RCC2: variants seen among roughly 807,000 people sequenced by gnomAD.
The protein encoded by RCC2 is protein RCC2.
In RCC2, 19 loss-of-function variants were observed where a neutral mutation model predicts 64.1. The observed-to-expected ratio is 0.30, with a 90% CI of 0.21 to 0.44. The LOEUF is 0.44. RCC2 is among the 20% of genes least tolerant of loss of function. RCC2 has a pLI of 1.00. For synonymous variants in RCC2, 325 were observed against 279.6 expected, an observed-to-expected ratio of 1.16 and a Z score of -1.62; for missense variants, 508 against 710.4, an observed-to-expected ratio of 0.72 and a Z score of 3.24.
rs1452935212 is a variant in RCC2, at chr1:17,416,477, C to T, written c.1026+3G>A. The T allele has an allele frequency of 1.2e-6, 2 of 1,605,148 alleles. No individual in the cohort carries two copies. The highest frequency in any genetic ancestry group is 2.2e-5 in the East Asian group (1 of 44,710). On this transcript the variant is annotated splice_donor_region_variant and intron_variant, in intron 8 of 12. Transcript: ENST00000375436. ...TCAGGAAGTGAGAAAAGCCGAGCCT[C>T]ACCGTGTGGTTAGCGCCACAGGCCA...
At chr1:17,414,530 A>AAAAAAAAAAAACAAAACAAAAC (rs2075460455) in intron 8 of RCC2, among the ~76,000 whole-genome samples, 1 of 138,192 alleles carries the variant, frequency 7.2e-6, no homozygotes, top group African/African-American at 2.7e-5. Flanking sequence ...ACTCCATCTC[A>AAAAAAAAAAAACAAAACAAAAC]AAAAAAAAAA....
At chr1:17,426,138 C>T (rs1376247200) in intron 3 of RCC2, among the ~76,000 whole-genome samples, 2 of 152,174 alleles carry the variant, frequency 1.3e-5, no homozygotes, top group Non-Finnish European at 2.9e-5. Context: ...CAGTAACCTA[C>T]CCCTCCTCCT....
chr1:17,432,313 T>C (rs2100392287), intron 2 of RCC2, among the ~76,000 whole-genome samples: 2 of 152,338 alleles, frequency 1.3e-5, no homozygotes, highest in South Asian at 4.1e-4. Context: ...CAGGTCTATA[T>C]TCAATGGCTT....
chr1:17,407,725 GAA>G lies in RCC2; in HGVS notation c.*1363_*1364del, dbSNP rs2075377891. 1 of 152,538 alleles carries G rather than the reference GAA, an allele frequency of 6.6e-6. No homozygotes were observed. The highest frequency in any genetic ancestry group is 1.5e-5 in the Non-Finnish European group (1 of 68,026). The allele number at this position is 152,538 out of a possible 1,614,324, so 9.4% of individuals were successfully genotyped here. A position where few individuals can be genotyped will look rare whatever the true frequency, so the allele number is the denominator to read the frequency against. ...ACAAAGCAAAAGAAAAAAAAAACTTGAAGAGACCAATATTTAACTTTCCCATC... is the reference window on the plus strand; with the variant it reads ...ACAAAGCAAAAGAAAAAAAAAACTTGGAGACCAATATTTAACTTTCCCATC... On this transcript the variant is annotated 3_prime_UTR_variant, in exon 13 of 13. Transcript: ENST00000375436.
In RCC2 at chr1:17,413,147, G is replaced by A. The variant is rs1438998452; in HGVS notation, c.1239C>T (p.Thr413=). The change falls in exon 10 of 13, where the codon ACC becomes ACT. Residue 413 remains threonine, a synonymous_variant. Transcript: ENST00000375436. The part of the protein sequence containing the change: ...GGLFFWGATN[T]SRESTMYPKA... ...TTGGGTACATGGTAGATTCACGGGA[G>A]GTGTTGGTGGCCCCCCAGAAAAACA... 3.1e-6 allele frequency: 5 copies of A among 1,614,010 alleles called. No individual in the cohort carries two copies. In the East Asian group the frequency reaches 1.1e-4, roughly 36 times the overall value.
intron 2 of RCC2, among the ~76,000 whole-genome samples, chr1:17,432,868 G>GAAGGGCAT (rs1467506941): frequency 6.6e-6 from 1 of 152,220 alleles, no homozygotes; most frequent in Non-Finnish European, 1.5e-5. Context: ...TGAGACAGGA[G>GAAGGGCAT]AAGGGCATGA....
At chr1:17,411,518 G>GGCAC (rs1307319693) in intron 11 of RCC2, among the ~76,000 whole-genome samples, 1 of 151,788 alleles carries the variant, frequency 6.6e-6, no homozygotes, top group Non-Finnish European at 1.5e-5. Context: ...GGGAGACAGA[G>GGCAC]GGTGCAGTGA....
At chr1:17,422,531 T>C (rs1422804780) in intron 5 of RCC2, among the ~76,000 whole-genome samples, 174 bp downstream of exon 5, 1 of 152,122 alleles carries the variant, frequency 6.6e-6, no homozygotes, top group African/African-American at 2.4e-5. Flanking sequence ...CTATGGCCAC[T>C]GGGGAGGCTC....
intron 1 of RCC2, among the ~76,000 whole-genome samples, chr1:17,439,207 A>C (rs2075779234): frequency 2.0e-5 from 3 of 151,778 alleles, no homozygotes; most frequent in Admixed American, 2.0e-4. Flanking sequence ...TAAAAACTTT[A>C]ATGGTGCCCA....
chr1:17,413,485 T>C (rs2100355462), intron 9 of RCC2, 52 bp downstream of exon 9: 1 of 1,576,118 alleles, frequency 6.3e-7, no homozygotes, highest in Non-Finnish European at 8.7e-7. Context: ...GGACAATGGC[T>C]ACACGGTTCC....
At position 17,410,048 on chromosome 1, in the gene RCC2, A is replaced by G; in HGVS notation, c.1390T>C (p.Tyr464His). The change falls in exon 12 of 13, where the codon TAC becomes CAC. Residue 464 changes from tyrosine (Y) to histidine (H), a missense_variant. Tyr to His is a moderately conservative substitution (Grantham distance 83). Transcript: ENST00000375436. Reference protein sequence around the residue: ...GPSPTFGELGYGDHKPKSSTA... With the variant: ...GPSPTFGELGHGDHKPKSSTA... ...GAAGACTTGGGCTTGTGGTCCCCGTAGCCCTGGCGAAGCAAACAAGATGTT... is the reference window on the plus strand; with the variant it reads ...GAAGACTTGGGCTTGTGGTCCCCGTGGCCCTGGCGAAGCAAACAAGATGTT... The G allele has an allele frequency of 6.2e-7, 1 of 1,613,868 alleles. No individual in the cohort carries two copies. Among genetic ancestry groups the G allele is most frequent in the Non-Finnish European group, 8.5e-7 (1 of 1,179,932 alleles).
At chr1:17,427,101 G>A (rs578221129) in intron 3 of RCC2, among the ~76,000 whole-genome samples, 1 of 152,316 alleles carries the variant, frequency 6.6e-6, no homozygotes, top group East Asian at 1.9e-4. Context: ...AGTATTTCCA[G>A]GATTGTGGTG....
At position 17,416,540 on chromosome 1, in the gene RCC2, T is replaced by C; in HGVS notation, c.966A>G (p.Gly322=). 2 of 1,613,978 alleles carry C rather than the reference T, an allele frequency of 1.2e-6. No homozygotes were observed. Among genetic ancestry groups the C allele is most frequent in the Non-Finnish European group, 8.5e-7 (1 of 1,180,052 alleles). Residue 322 remains glycine (G), a synonymous_variant, in exon 8 of 13, where the codon GGA becomes GGG. Coordinates refer to ENST00000375436, the MANE Select transcript of RCC2 (RefSeq NM_018715.4). ...VAIFIEKTKD[G]QILPVPNVVV... ...CCACGTTTGGTACAGGCAGAATCTGTCCATCTTTCGTCTTCTCAATGAAGA... is the reference window on the plus strand; with the variant it reads ...CCACGTTTGGTACAGGCAGAATCTGCCCATCTTTCGTCTTCTCAATGAAGA...
chr1:17,429,063 C>T (rs775578750), intron 3 of RCC2, 43 bp downstream of exon 3: 2 of 1,485,946 alleles, frequency 1.3e-6, no homozygotes, highest in East Asian at 4.5e-5. Context: ...GAACCTAGCA[C>T]TTAAGAAGCA....
chr1:17,435,238 G>A (rs952544685), intron 2 of RCC2, among the ~76,000 whole-genome samples: 3 of 152,216 alleles, frequency 2.0e-5, no homozygotes, highest in African/African-American at 7.2e-5. Flanking sequence ...TCTATAAAAT[G>A]CACATCTTTT....
In RCC2 at chr1:17,412,250, C is replaced by T; in HGVS notation, c.1314-56G>A. 1.9e-6 allele frequency: 3 copies of T among 1,550,110 alleles called. No individual in the cohort carries two copies. In the South Asian group the frequency reaches 3.4e-5, roughly 17 times the overall value. ...CAGCAGCCCCAGACCTGCACCCACG[C>T]AGCTATGGCTCAAGGGCATGAGTGT... is the stretch of plus-strand genomic sequence containing the variant. On this transcript the variant is annotated intron_variant, in intron 10 of 12. Coordinates refer to ENST00000375436, the MANE Select transcript of RCC2 (RefSeq NM_018715.4).
At chr1:17,409,264 G>A (rs1163452671) in intron 12 of RCC2, 70 bp from the exon 13 acceptor site, 4 of 996,650 alleles carry the variant, frequency 4.0e-6, no homozygotes, top group African/African-American at 1.6e-5. Flanking sequence ...AGAGACTCTG[G>A]AAACTGGGCT....
chr1:17,437,555 G>A (rs1198718467), intron 2 of RCC2, among the ~76,000 whole-genome samples: 1 of 148,104 alleles, frequency 6.8e-6, no homozygotes, highest in Non-Finnish European at 1.5e-5. Context: ...TTCTTCACTT[G>A]GGGGGGCTAC....
chr1:17,438,072 A>G (rs1335153783), intron 2 of RCC2, among the ~76,000 whole-genome samples, 158 bp downstream of exon 2: 1 of 144,724 alleles, frequency 6.9e-6, no homozygotes, highest in Non-Finnish European at 1.5e-5. Context: ...TGTTGCGCGG[A>G]GGCGGAGGCA....
Sources: gnomAD v4.1 joint callset for allele counts (sites outside exome capture counted in the v4.1 genomes callset) on GRCh38, gnomAD v4.1.1 for gene constraint, MANE v1.5 for transcripts, NCBI Gene and HGNC (gene_info 2026-07-23, HGNC 2026-07-21) for gene names.